The following GALNT17 variants were observed in gnomAD, a reference collection of about 807,000 sequenced individuals.
GALNT17 encodes the protein UDP-GalNAc:polypeptide N-acetylgalactosaminyltransferase-like 3.
A neutral mutation model predicts 63.7 loss-of-function variants in GALNT17; 29 were observed. The observed-to-expected ratio is 0.46, with a 90% CI of 0.34 to 0.62. The LOEUF is 0.62. GALNT17 is among the 20% of genes least tolerant of loss of function. The pLI, the probability that GALNT17 is intolerant of heterozygous loss-of-function variation, is 0.01. For synonymous variants in GALNT17, 305 were observed against 318.3 expected (o/e 0.96, Z 0.45); for missense variants, 603 against 799.6 (o/e 0.75, Z 2.97).
At chr7:71,283,029 G>A (rs997240813) in intron 1 of GALNT17, among the ~76,000 whole-genome samples, 1 of 151,966 alleles carries the variant, frequency 6.6e-6, no homozygotes, top group Non-Finnish European at 1.5e-5. Flanking sequence ...ATGCCCCACT[G>A]CCACTCGTTT....
chr7:71,372,190 G>A (rs559169105), intron 2 of GALNT17, among the ~76,000 whole-genome samples: 3 of 151,942 alleles, frequency 2.0e-5, no homozygotes, highest in Middle Eastern at 3.4e-3. Flanking sequence ...ATGGAGTCTC[G>A]CTCTGTTGCC....
intron 1 of GALNT17, among the ~76,000 whole-genome samples, chr7:71,202,311 A>C (rs1269299997): frequency 2.0e-5 from 3 of 152,148 alleles, no homozygotes; most frequent in Admixed American, 6.5e-5. Flanking sequence ...GGAGTAGAGA[A>C]AAGAAAGTGA....
chr7:71,684,189 T>C (rs921542952), intron 9 of GALNT17, among the ~76,000 whole-genome samples: 3 of 152,038 alleles, frequency 2.0e-5, no homozygotes, highest in Non-Finnish European at 4.4e-5. Context: ...GCAACCACAG[T>C]GAAACCAGAA....
chr7:71,225,720 C>A (rs1294379090), intron 1 of GALNT17, among the ~76,000 whole-genome samples: 1 of 152,114 alleles, frequency 6.6e-6, no homozygotes, highest in Non-Finnish European at 1.5e-5. Context: ...AGGTATAAGC[C>A]AGAGGATTAC....
At chr7:71,416,135 G>C (rs1793522367) in intron 4 of GALNT17, 72 bp downstream of exon 4, 7 of 1,515,744 alleles carry the variant, frequency 4.6e-6, no homozygotes, top group Non-Finnish European at 5.3e-6. Context: ...AATCTGGGAG[G>C]TGGGACATTT....
At chr7:71,435,129 C>A (rs1342219359) in intron 5 of GALNT17, among the ~76,000 whole-genome samples, 1 of 152,096 alleles carries the variant, frequency 6.6e-6, no homozygotes, top group Non-Finnish European at 1.5e-5. Flanking sequence ...AGTTCAAGAC[C>A]AGCCTGGGCA....
At chr7:71,599,486 C>T (rs1436815678) in intron 6 of GALNT17, among the ~76,000 whole-genome samples, 4 of 152,042 alleles carry the variant, frequency 2.6e-5, no homozygotes, top group Non-Finnish European at 4.4e-5. Flanking sequence ...TCTTGTTCCA[C>T]CCCGCATCAT....
intron 5 of GALNT17, among the ~76,000 whole-genome samples, chr7:71,512,186 G>A (rs1410389093): frequency 1.3e-5 from 2 of 151,946 alleles, no homozygotes; most frequent in Non-Finnish European, 2.9e-5. Flanking sequence ...TGTATTTTTA[G>A]TAGAGACAGG....
At chr7:71,301,686 G>A (rs574352444) in intron 1 of GALNT17, among the ~76,000 whole-genome samples, 4 of 151,992 alleles carry the variant, frequency 2.6e-5, no homozygotes, top group South Asian at 2.1e-4. Flanking sequence ...ACAAGTGTGC[G>A]CAGTATTGGA....
At chr7:71,512,674 G>A (rs926492515) in intron 5 of GALNT17, among the ~76,000 whole-genome samples, 4 of 152,200 alleles carry the variant, frequency 2.6e-5, no homozygotes, top group African/African-American at 9.6e-5. Flanking sequence ...CCACCCCCTG[G>A]GAAGTGGCCC....
chr7:71,381,632 A>G (rs1792849422), intron 2 of GALNT17, among the ~76,000 whole-genome samples: 1 of 151,996 alleles, frequency 6.6e-6, no homozygotes, highest in Non-Finnish European at 1.5e-5. Flanking sequence ...TGCAAAAATT[A>G]GCTGGGTGTG....
chr7:71,321,892 TTCCTTCCTTC>T (rs1791615461), intron 1 of GALNT17, among the ~76,000 whole-genome samples: 2 of 88,388 alleles, frequency 2.3e-5, no homozygotes, highest in Non-Finnish European at 4.6e-5. Context: ...CCTTCCTTCC[TTCCTTCCTTC>T]CTTCCTTCCT....
intron 5 of GALNT17, among the ~76,000 whole-genome samples, chr7:71,434,181 C>G (rs1416196402): frequency 1.3e-5 from 2 of 152,182 alleles, no homozygotes; most frequent in South Asian, 4.1e-4. Context: ...TTCTTTACTC[C>G]TCAGCTTGCA....
chr7:71,530,125 T>C (rs1281408692), intron 5 of GALNT17, among the ~76,000 whole-genome samples: 4 of 152,182 alleles, frequency 2.6e-5, no homozygotes, highest in Non-Finnish European at 4.4e-5. Context: ...TCCACTTACC[T>C]GGTCAACTGT....
chr7:71,522,191 C>G (rs1435229767), intron 5 of GALNT17, among the ~76,000 whole-genome samples: 1 of 152,080 alleles, frequency 6.6e-6, no homozygotes, highest in Non-Finnish European at 1.5e-5. Context: ...TCTGTGAGTT[C>G]CTTGGCATGG....
At chr7:71,167,087 G>C (rs1160102515) in intron 1 of GALNT17, among the ~76,000 whole-genome samples, 1 of 127,452 alleles carries the variant, frequency 7.8e-6, no homozygotes, top group Admixed American at 9.8e-5. Flanking sequence ...GGGTCTCTCT[G>C]TGTTGCCCAG....
intron 5 of GALNT17, among the ~76,000 whole-genome samples, chr7:71,536,936 G>A (rs954348231): frequency 6.6e-6 from 1 of 152,138 alleles, no homozygotes; most frequent in Admixed American, 6.5e-5. Flanking sequence ...CCCCTGCACA[G>A]GGACCTGTCC....
chr7:71,584,773 T>C (rs1789690538), intron 6 of GALNT17, among the ~76,000 whole-genome samples: 1 of 151,922 alleles, frequency 6.6e-6, no homozygotes. Context: ...TTTATTTATT[T>C]AATTTATTTA....
At chr7:71,593,466 A>T (rs1312659681) in intron 6 of GALNT17, among the ~76,000 whole-genome samples, 1 of 152,000 alleles carries the variant, frequency 6.6e-6, no homozygotes, top group Non-Finnish European at 1.5e-5. Context: ...GGGTTTCACC[A>T]TGTTGGCTAG....
Sources: allele counts gnomAD v4.1 joint callset (sites outside exome capture counted in the v4.1 genomes callset), GRCh38; gene constraint gnomAD v4.1.1; transcripts MANE v1.5; gene names NCBI Gene and HGNC (gene_info 2026-07-23, HGNC 2026-07-21).